Variants in REDIC1 observed in about 807,000 individuals in gnomAD.
The protein encoded by REDIC1 is HEI10 Interacting Protein 1.
At chr12:39,653,502 T>A in the REDIC1 span, among the ~76,000 whole-genome samples, 1 of 40,830 alleles carries the variant, frequency 2.4e-5, no homozygotes, top group South Asian at 5.4e-4. Flanking sequence ...GTCTTCTTCT[T>A]CTTCTTCTTC....
At chr12:39,729,430 C>T in the REDIC1 span, among the ~76,000 whole-genome samples, 5 of 152,168 alleles carry the variant, frequency 3.3e-5, no homozygotes, top group Non-Finnish European at 1.5e-5. Context: ...AGTAGGCATT[C>T]AGGAGCAGGT....
the REDIC1 span, among the ~76,000 whole-genome samples, chr12:39,724,836 G>T: frequency 6.6e-6 from 1 of 151,932 alleles, no homozygotes; most frequent in African/African-American, 2.4e-5. Flanking sequence ...AAAAGAAATA[G>T]AAAATATGAA....
At chr12:39,719,104 G>C in the REDIC1 span, among the ~76,000 whole-genome samples, 1 of 151,972 alleles carries the variant, frequency 6.6e-6, no homozygotes. Context: ...CGTAGATTTA[G>C]CTTTTGCTTG....
At chr12:39,632,550 A>G in the REDIC1 span, among the ~76,000 whole-genome samples, 5 of 152,186 alleles carry the variant, frequency 3.3e-5, no homozygotes, top group Non-Finnish European at 7.3e-5. Flanking sequence ...GCATGCATGT[A>G]TATATACATT....
the REDIC1 span, among the ~76,000 whole-genome samples, chr12:39,896,524 GTATA>G: frequency 7.0e-6 from 1 of 143,700 alleles, no homozygotes; most frequent in African/African-American, 2.7e-5. Flanking sequence ...GTGTATACAT[GTATA>G]CATGTATGTA....
the REDIC1 span, among the ~76,000 whole-genome samples, chr12:39,896,384 G>GTATATGTGTA: frequency 8.4e-6 from 1 of 119,156 alleles, no homozygotes; most frequent in African/African-American, 4.2e-5. Context: ...ATATATGTAT[G>GTATATGTGTA]TATATGTGTA....
At chr12:39,640,560 G>A in the REDIC1 span, among the ~76,000 whole-genome samples, 1 of 151,836 alleles carries the variant, frequency 6.6e-6, no homozygotes, top group Non-Finnish European at 1.5e-5. Flanking sequence ...CTTCCTCTCT[G>A]TTCTCTGTAG....
At chr12:39,770,317 T>C in the REDIC1 span, among the ~76,000 whole-genome samples, 1 of 152,118 alleles carries the variant, frequency 6.6e-6, no homozygotes, top group African/African-American at 2.4e-5. Flanking sequence ...GCTATGAACA[T>C]CTAGATCCTG....
chr12:39,862,858 C>T, the REDIC1 span, among the ~76,000 whole-genome samples: 1 of 152,132 alleles, frequency 6.6e-6, no homozygotes, highest in South Asian at 2.1e-4. Flanking sequence ...GTGTTAGGAA[C>T]ATTCCAATTC....
chr12:39,783,465 G>A, the REDIC1 span, among the ~76,000 whole-genome samples: 3 of 152,182 alleles, frequency 2.0e-5, no homozygotes, highest in Non-Finnish European at 4.4e-5. Flanking sequence ...CACAATGGTT[G>A]AACTAGTTTA....
chr12:39,720,157 A>T, the REDIC1 span, among the ~76,000 whole-genome samples: 1 of 152,032 alleles, frequency 6.6e-6, no homozygotes, highest in Middle Eastern at 3.4e-3. Context: ...AAGTTCTTAA[A>T]GGTTGTCTTT....
At chr12:39,735,665 A>T in the REDIC1 span, among the ~76,000 whole-genome samples, 1 of 152,236 alleles carries the variant, frequency 6.6e-6, no homozygotes, top group African/African-American at 2.4e-5. Flanking sequence ...AAAATAAGTA[A>T]TAAAGATTAT....
the REDIC1 span, among the ~76,000 whole-genome samples, chr12:39,892,378 G>T: frequency 1.3e-5 from 2 of 152,170 alleles, no homozygotes; most frequent in African/African-American, 4.8e-5. Flanking sequence ...TCTTGGAACT[G>T]TCTGGCCCGG....
chr12:39,779,472 T>C, the REDIC1 span, among the ~76,000 whole-genome samples: 3 of 152,176 alleles, frequency 2.0e-5, no homozygotes, highest in Admixed American at 6.5e-5. Context: ...CCATACCTAT[T>C]ATCTTCCCTT....
the REDIC1 span, among the ~76,000 whole-genome samples, chr12:39,794,123 C>CAAAAA: frequency 1.3e-5 from 1 of 78,372 alleles, no homozygotes; most frequent in African/African-American, 5.1e-5. Flanking sequence ...GGCCAAATTG[C>CAAAAA]AAAAAAAAAA....
the REDIC1 span, among the ~76,000 whole-genome samples, chr12:39,724,238 C>G: frequency 3.3e-5 from 5 of 152,128 alleles, no homozygotes; most frequent in African/African-American, 1.2e-4. Context: ...TCTGCTTACT[C>G]AAAGTATCCA....
the REDIC1 span, among the ~76,000 whole-genome samples, chr12:39,689,211 A>G: frequency 1.3e-5 from 2 of 152,230 alleles, no homozygotes; most frequent in African/African-American, 4.8e-5. Flanking sequence ...CCCAAGGGAT[A>G]ATGGAGCCAC....
chr12:39,661,043 A>T, the REDIC1 span, among the ~76,000 whole-genome samples: 1 of 152,110 alleles, frequency 6.6e-6, no homozygotes, highest in Non-Finnish European at 1.5e-5. Context: ...ACATTTTGTT[A>T]TCCGTTCATC....
chr12:39,687,966 G>A, the REDIC1 span, among the ~76,000 whole-genome samples: 4 of 151,988 alleles, frequency 2.6e-5, no homozygotes, highest in African/African-American at 9.7e-5. Flanking sequence ...GATTCAAACT[G>A]TCTGTCTTAT....
Sources: gnomAD v4.1 joint callset for allele counts (sites outside exome capture counted in the v4.1 genomes callset) on GRCh38, gnomAD v4.1.1 for gene constraint, MANE v1.5 for transcripts, NCBI Gene and HGNC (gene_info 2026-07-23, HGNC 2026-07-21) for gene names.